CFAP299: variants seen among roughly 807,000 people sequenced by gnomAD.
CFAP299 encodes cilia- and flagella-associated protein 299.
CFAP299 carries 21 observed loss-of-function variants against 27.0 expected under a neutral mutation model. The observed-to-expected ratio is 0.78, with a 90% CI of 0.55 to 1.12. The LOEUF is 1.12. Among genes scored for constraint, CFAP299 ranks in the 50% most tolerant of loss-of-function variants. The pLI, the probability that CFAP299 is intolerant of heterozygous loss-of-function variation, is 0.00. For synonymous variants in CFAP299, 104 were observed against 98.1 expected, an observed-to-expected ratio of 1.06 and a Z score of -0.36; for missense variants, 310 against 276.6, an observed-to-expected ratio of 1.12 and a Z score of -0.86.
At chr4:80,561,284 C>T (rs1228013505) in intron 2 of CFAP299, among the ~76,000 whole-genome samples, 1 of 152,162 alleles carries the variant, frequency 6.6e-6, no homozygotes, top group Non-Finnish European at 1.5e-5. Flanking sequence ...AAAGCAGATA[C>T]ACCTTAGATC....
intron 3 of CFAP299, among the ~76,000 whole-genome samples, chr4:80,670,331 T>C (rs1741404535): frequency 6.6e-6 from 1 of 152,202 alleles, no homozygotes. Context: ...TCCTTTTTTA[T>C]GGCTGCATAG....
chr4:80,799,551 AAT>A (rs1419642698), intron 3 of CFAP299, among the ~76,000 whole-genome samples: 5 of 79,684 alleles, frequency 6.3e-5, no homozygotes, highest in African/African-American at 2.6e-4. Context: ...ACATATATAT[AAT>A]ATATTTAATA....
chr4:80,435,111 G>T (rs770247849), intron 2 of CFAP299, among the ~76,000 whole-genome samples: 2 of 152,146 alleles, frequency 1.3e-5, no homozygotes, highest in Non-Finnish European at 2.9e-5. Context: ...GGACTTTAAG[G>T]GTTGAAAAAG....
At chr4:80,693,986 A>G (rs1372862462) in intron 3 of CFAP299, among the ~76,000 whole-genome samples, 1 of 152,126 alleles carries the variant, frequency 6.6e-6, no homozygotes, top group Non-Finnish European at 1.5e-5. Flanking sequence ...AATCATTCCT[A>G]TGATTTCCCT....
chr4:80,513,513 CTG>C (rs1463419772), intron 2 of CFAP299, among the ~76,000 whole-genome samples: 2 of 152,128 alleles, frequency 1.3e-5, no homozygotes, highest in African/African-American at 2.4e-5. Flanking sequence ...ACATTTGAAT[CTG>C]TGCAATATGC....
At chr4:80,546,319 C>T (rs72659864) in intron 2 of CFAP299, among the ~76,000 whole-genome samples, 5 of 152,170 alleles carry the variant, frequency 3.3e-5, no homozygotes, top group Non-Finnish European at 5.9e-5. Flanking sequence ...AGTAGCATTG[C>T]TATACACCAA....
At chr4:80,400,095 TTGTC>T (rs1726057279) in intron 2 of CFAP299, among the ~76,000 whole-genome samples, 1 of 152,318 alleles carries the variant, frequency 6.6e-6, no homozygotes, top group African/African-American at 2.4e-5. Flanking sequence ...ACTTTATATA[TTGTC>T]TGTCTCTTTA....
At chr4:80,834,939 T>G (rs1456305208) in intron 3 of CFAP299, among the ~76,000 whole-genome samples, 1 of 152,164 alleles carries the variant, frequency 6.6e-6, no homozygotes, top group Non-Finnish European at 1.5e-5. Context: ...CTGAAAATAT[T>G]TGTTCCTTTC....
chr4:80,947,014 A>C (rs989570730), intron 5 of CFAP299, among the ~76,000 whole-genome samples: 12 of 152,232 alleles, frequency 7.9e-5, no homozygotes, highest in Non-Finnish European at 1.8e-4. Flanking sequence ...GCATATTTCA[A>C]GAATGCATGT....
intron 3 of CFAP299, among the ~76,000 whole-genome samples, chr4:80,774,809 T>C (rs1019008821): frequency 1.3e-5 from 2 of 152,054 alleles, no homozygotes; most frequent in Non-Finnish European, 2.9e-5. Flanking sequence ...ATCCACAATC[T>C]TTGATCTAGT....
intron 3 of CFAP299, among the ~76,000 whole-genome samples, chr4:80,734,997 G>A (rs928618885): frequency 6.6e-6 from 1 of 152,088 alleles, no homozygotes; most frequent in Non-Finnish European, 1.5e-5. Context: ...AAATGTCACT[G>A]GTATTTTGAT....
intron 3 of CFAP299, among the ~76,000 whole-genome samples, chr4:80,591,105 A>ATTTTTTTTTTT (rs70944795): frequency 3.2e-5 from 4 of 126,858 alleles, no homozygotes; most frequent in African/African-American, 1.2e-4. Context: ...ACTTTAGGAA[A>ATTTTTTTTTTT]TTTTTTTTTT....
At chr4:80,800,101 A>C (rs1260563455) in intron 3 of CFAP299, among the ~76,000 whole-genome samples, 3 of 68,362 alleles carry the variant, frequency 4.4e-5, no homozygotes, top group African/African-American at 1.8e-4. Flanking sequence ...TATAATATAT[A>C]ATATATTATA....
At chr4:80,798,526 T>G (rs1728002721) in intron 3 of CFAP299, among the ~76,000 whole-genome samples, 1 of 152,118 alleles carries the variant, frequency 6.6e-6, no homozygotes, top group Non-Finnish European at 1.5e-5. Flanking sequence ...AGACACCTGG[T>G]GAAGCTGTGC....
At chr4:80,461,902 C>T (rs989781425) in intron 2 of CFAP299, among the ~76,000 whole-genome samples, 10 of 152,136 alleles carry the variant, frequency 6.6e-5, no homozygotes, top group Admixed American at 2.6e-4. Context: ...CAAACTCCTG[C>T]CCACTTCCCT....
intron 1 of CFAP299, among the ~76,000 whole-genome samples, chr4:80,351,030 A>G (rs1043654307): frequency 6.6e-6 from 1 of 152,236 alleles, no homozygotes; most frequent in African/African-American, 2.4e-5. Flanking sequence ...ATTTGAAAAA[A>G]GTCAACCTAG....
the CFAP299 span, among the ~76,000 whole-genome samples, chr4:80,330,041 A>G: frequency 6.6e-6 from 1 of 152,168 alleles, no homozygotes; most frequent in African/African-American, 2.4e-5. Flanking sequence ...AAAACCAACC[A>G]TGCCATTGTA....
chr4:80,755,926 T>C (rs937701599), intron 3 of CFAP299, among the ~76,000 whole-genome samples: 2 of 152,124 alleles, frequency 1.3e-5, no homozygotes, highest in African/African-American at 2.4e-5. Flanking sequence ...AGCTATAATA[T>C]GTGGACTTTG....
At chr4:80,375,797 T>A (rs1459116560) in intron 2 of CFAP299, among the ~76,000 whole-genome samples, 1 of 152,172 alleles carries the variant, frequency 6.6e-6, no homozygotes, top group Non-Finnish European at 1.5e-5. Flanking sequence ...GAACCACCAG[T>A]TTACTCAGTG....
Sources: allele counts gnomAD v4.1 joint callset (sites outside exome capture counted in the v4.1 genomes callset), GRCh38; gene constraint gnomAD v4.1.1; transcripts MANE v1.5; gene names NCBI Gene and HGNC (gene_info 2026-07-23, HGNC 2026-07-21).